The following ATP7B variants were observed in gnomAD, a reference collection of about 807,000 sequenced individuals.
ATP7B encodes copper-transporting ATPase 2.
A neutral mutation model predicts 118.9 loss-of-function variants in ATP7B; 113 were observed. The observed-to-expected ratio is 0.95, with a 90% CI of 0.82 to 1.11. The LOEUF (loss-of-function observed/expected upper bound fraction) is 1.11, where lower values mean the gene tolerates loss of function less well. Among genes scored for constraint, ATP7B ranks in the 50% most tolerant of loss-of-function variants. ATP7B has a pLI of 0.00. For missense variants in ATP7B, 1,867 were observed against 1,871.4 expected (o/e 1.00, Z 0.04); for synonymous variants, 777 against 727.4 (o/e 1.07, Z -1.10).
At chr13:52,010,495 C>T (rs1309768282) in intron 1 of ATP7B, among the ~76,000 whole-genome samples, 1 of 152,212 alleles carries the variant, frequency 6.6e-6, no homozygotes, top group Non-Finnish European at 1.5e-5. Flanking sequence ...CATGAATAAA[C>T]TATGATGCGT....
At position 51,935,696 on chromosome 13, in the gene ATP7B, C is replaced by G; in HGVS notation, c.4022-1G>C. ...ACAATGCCGATGGGCATGAAGACAC[C>G]TGGGGAAGAAAGAACTCGCACTCAC... On this transcript the variant is annotated splice_acceptor_variant, in intron 19 of 20. Coordinates refer to ENST00000242839, the MANE Select transcript of ATP7B (RefSeq NM_000053.4). LOFTEE classifies it high-confidence loss of function. The G allele has an allele frequency of 6.2e-7, 1 of 1,611,160 alleles. No homozygotes were observed. Among genetic ancestry groups the G allele is most frequent in the Non-Finnish European group, 8.5e-7 (1 of 1,178,922 alleles).
At chr13:52,006,595 G>C (rs1280704371) in intron 1 of ATP7B, among the ~76,000 whole-genome samples, 5 of 152,168 alleles carry the variant, frequency 3.3e-5, no homozygotes, top group Admixed American at 3.3e-4. Context: ...GCAGCTCCCT[G>C]CCCAGTTCAC....
At chr13:51,959,484 G>C (rs1392843128) in intron 7 of ATP7B, 1 of 150,344 alleles carries the variant, frequency 6.7e-6, no homozygotes, top group Non-Finnish European at 1.5e-5. Context: ...ACTCCAGCCT[G>C]GGTGACAGGG....
At chr13:51,970,928 C>T (rs538028865) in intron 2 of ATP7B, among the ~76,000 whole-genome samples, 179 bp from the exon 3 acceptor site, 1 of 151,990 alleles carries the variant, frequency 6.6e-6, no homozygotes, top group South Asian at 2.1e-4. Context: ...GAGCTCCCTG[C>T]TGTTGTTAAT....
At position 51,980,695 on chromosome 13, in the gene ATP7B, T is replaced by C. The variant is rs1485418915; in HGVS notation, c.52-5527A>G. ...TCACAAATCAAAAAATACTAACTCATGTACAAGTGAAGGACCACTGGCCAC... is the reference window on the plus strand; with the variant it reads ...TCACAAATCAAAAAATACTAACTCACGTACAAGTGAAGGACCACTGGCCAC... On this transcript the variant is annotated intron_variant, in intron 1 of 20. Transcript: ENST00000242839. 2.0e-5 allele frequency among the ~76,000 whole-genome samples: 3 copies of C among 152,328 alleles called. No homozygotes were observed. The East Asian group carries it at 5.8e-4, about 29-fold the overall frequency.
At position 51,963,356 on chromosome 13, in the gene ATP7B, T is replaced by C. The variant is rs552599347; in HGVS notation, c.1870-1443A>G. Among the ~76,000 whole-genome samples the C allele has an allele frequency of 1.4e-4, 22 of 152,318 alleles. No homozygotes were observed. In the East Asian group the frequency reaches 4.0e-3, roughly 28 times the overall value. On this transcript the variant is annotated intron_variant, in intron 5 of 20. Coordinates refer to ENST00000242839, the MANE Select transcript of ATP7B (RefSeq NM_000053.4). Reference sequence around the variant, plus strand: ...AAGTTACTTAACCTCTCTGAGCATCTTTCCTCAGCTGATAAAAAAGCTATG... The same window carrying C: ...AAGTTACTTAACCTCTCTGAGCATCCTTCCTCAGCTGATAAAAAAGCTATG...
intron 17 of ATP7B, 57 bp from the exon 18 acceptor site, chr13:51,937,736 A>C (rs1957060104): frequency 6.3e-7 from 1 of 1,588,856 alleles, no homozygotes; most frequent in East Asian, 2.2e-5. Flanking sequence ...ATAGCAGCAG[A>C]AACCTCAAGT....
chr13:51,946,684 G>A lies in ATP7B; in HGVS notation c.2866-206C>T, dbSNP rs767120403. 3 of 645,504 alleles carry A rather than the reference G, an allele frequency of 4.6e-6. No homozygotes were observed. The East Asian group carries it at 8.4e-5, about 18-fold the overall frequency. The allele number at this position is 645,504 out of a possible 1,614,324, so 40.0% of individuals were successfully genotyped here. On this transcript the variant is annotated intron_variant, in intron 12 of 20. Coordinates refer to ENST00000242839, the MANE Select transcript of ATP7B (RefSeq NM_000053.4). Reference sequence around the variant, plus strand: ...CCCAGCTATCCAACTTCATCCTACAGGTTTCCCTCAAAGAGGCATTACAGG... The same window carrying A: ...CCCAGCTATCCAACTTCATCCTACAAGTTTCCCTCAAAGAGGCATTACAGG...
chr13:51,958,058 G>A (rs1255130348), intron 8 of ATP7B: 4 of 541,638 alleles, frequency 7.4e-6, no homozygotes, highest in Middle Eastern at 5.1e-4. Context: ...CTGCCCTGAA[G>A]GCCAGGTTTC....
chr13:52,004,895 T>C (rs1953695120), intron 1 of ATP7B, among the ~76,000 whole-genome samples: 1 of 152,152 alleles, frequency 6.6e-6, no homozygotes, highest in East Asian at 1.9e-4. Context: ...ACTCCACAGC[T>C]CTTGAACTCT....
chr13:51,986,044 G>T (rs779810965), intron 1 of ATP7B, among the ~76,000 whole-genome samples: 17 of 152,122 alleles, frequency 1.1e-4, no homozygotes, highest in Non-Finnish European at 2.1e-4. Context: ...GCTAGCAGAA[G>T]ACAAGAAATA....
chr13:51,943,392 A>G (rs9526810), intron 14 of ATP7B, among the ~76,000 whole-genome samples: 22,339 of 152,108 alleles, frequency 0.15, 2,210 homozygotes, highest in Non-Finnish European at 0.23. Context: ...ACCCTACATG[A>G]AGGACAAAAC....
At position 51,934,914 on chromosome 13, in the gene ATP7B, G is replaced by A; in HGVS notation, c.4240C>T (p.Pro1414Ser). ...ACCTGGTCCCATGGTGTGGCCCTGG[G>A]GGAGTCCCGCCACCTGTCATCCATG... Reference protein sequence around the residue: ...IGMDDRWRDSPRATPWDQVSY... With the variant: ...IGMDDRWRDSSRATPWDQVSY... Residue 1414 changes from proline (P) to serine (S), a missense_variant, in exon 21 of 21, where the codon CCC becomes TCC. Coordinates refer to ENST00000242839, the MANE Select transcript of ATP7B (RefSeq NM_000053.4). 2 of 1,614,130 alleles carry A rather than the reference G, an allele frequency of 1.2e-6. No individual in the cohort carries two copies. Among genetic ancestry groups the A allele is most frequent in the Non-Finnish European group, 1.7e-6 (2 of 1,180,024 alleles).
rs893143787 is a variant in ATP7B, at chr13:51,941,174, T to C, written c.3463A>G (p.Arg1155Gly). The stretch of plus-strand genomic sequence containing the variant: ...CTAGAAATGGTTAAACCGTTGCGCC[T>C]CAGCCACTCACGGTTTCCAATCAGC... ...SVLIGNREWL[R>G]RNGLTISSDV... The change falls in exon 16 of 21, where the codon AGG (arginine) becomes GGG (glycine). Residue 1155 changes from arginine (R) to glycine (G), a missense_variant. Coordinates refer to ENST00000242839, the MANE Select transcript of ATP7B (RefSeq NM_000053.4). 1.2e-6 allele frequency: 2 copies of C among 1,614,052 alleles called. No homozygotes were observed. The highest frequency in any genetic ancestry group is 2.7e-5 in the African/African-American group (2 of 74,910).
intron 1 of ATP7B, among the ~76,000 whole-genome samples, chr13:51,988,856 T>C (rs1460676401): frequency 7.8e-6 from 1 of 128,542 alleles, no homozygotes; most frequent in Non-Finnish European, 1.5e-5. Context: ...AGCTAAACAA[T>C]GAGAACACAT....
intron 1 of ATP7B, among the ~76,000 whole-genome samples, chr13:51,981,924 GC>G (rs1461041392): frequency 2.0e-5 from 3 of 151,986 alleles, no homozygotes; most frequent in Admixed American, 6.6e-5. Flanking sequence ...CAAGCCACAT[GC>G]AGCCCAGGAT....
Position 51,968,617 on chromosome 13 carries a change from T to C in ATP7B, c.1544-10A>G. ...AACACGGAGAGAACACCTGGAACCATCAGGTCATGGCTGTAACACTCTGGG... is the reference window on the plus strand; with the variant it reads ...AACACGGAGAGAACACCTGGAACCACCAGGTCATGGCTGTAACACTCTGGG... On this transcript the variant is annotated splice_polypyrimidine_tract_variant and intron_variant, in intron 3 of 20. Coordinates refer to ENST00000242839, the MANE Select transcript of ATP7B (RefSeq NM_000053.4). 5.6e-6 allele frequency: 9 copies of C among 1,613,838 alleles called. No individual in the cohort carries two copies. The highest frequency in any genetic ancestry group is 7.6e-6 in the Non-Finnish European group (9 of 1,179,962).
At chr13:51,994,693 T>A (rs563698628) in intron 1 of ATP7B, among the ~76,000 whole-genome samples, 1 of 152,308 alleles carries the variant, frequency 6.6e-6, no homozygotes, top group South Asian at 2.1e-4. Context: ...CTTTAACCAA[T>A]GAACAGCACA....
chr13:51,948,256 G>A (rs1957786103), intron 12 of ATP7B, among the ~76,000 whole-genome samples: 1 of 152,070 alleles, frequency 6.6e-6, no homozygotes, highest in African/African-American at 2.4e-5. Flanking sequence ...TATCCATTCT[G>A]TATTTGTACT....
Sources: allele counts gnomAD v4.1 joint callset (sites outside exome capture counted in the v4.1 genomes callset), GRCh38; gene constraint gnomAD v4.1.1; transcripts MANE v1.5; gene names NCBI Gene and HGNC (gene_info 2026-07-23, HGNC 2026-07-21).